JPT1: variants seen among roughly 807,000 people sequenced by gnomAD.
The protein encoded by JPT1 is Jupiter microtubule associated homolog 1.
JPT1 carries 5 observed loss-of-function variants against 17.0 expected under a neutral mutation model. The observed-to-expected ratio is 0.29, with a 90% CI of 0.15 to 0.62. The LOEUF (loss-of-function observed/expected upper bound fraction) is 0.62, where lower values mean the gene tolerates loss of function less well. Among genes scored for constraint, JPT1 ranks in the 20% least tolerant of loss-of-function variants. JPT1 has a pLI of 0.85. For synonymous variants in JPT1, 71 were observed against 73.6 expected (o/e 0.96, Z 0.18); for missense variants, 158 against 188.1 (o/e 0.84, Z 0.94).
intron 4 of JPT1, chr17:75,138,411 T>C (rs1034591195): frequency 4.3e-5 from 3 of 69,106 alleles, no homozygotes; most frequent in Admixed American, 3.4e-4. Context: ...TATTAATGGA[T>C]TTTTTTTTTT....
chr17:75,151,541 GACTATTC>G (rs1568037886), intron 1 of JPT1, among the ~76,000 whole-genome samples: 1 of 151,918 alleles, frequency 6.6e-6, no homozygotes, highest in African/African-American at 2.4e-5. Context: ...CTGTAGTCCC[GACTATTC>G]AGGAGGCTGA....
At chr17:75,149,862 T>TACACAC (rs58993126) in intron 1 of JPT1, among the ~76,000 whole-genome samples, 12,488 of 147,498 alleles carry the variant, frequency 0.085, 583 homozygotes, top group African/African-American at 0.11. Context: ...CTTACACACT[T>TACACAC]ACACACACAC....
intron 4 of JPT1, among the ~76,000 whole-genome samples, chr17:75,143,656 C>G (rs751490419): frequency 6.6e-6 from 1 of 151,354 alleles, no homozygotes; most frequent in Non-Finnish European, 1.5e-5. Context: ...GCCAACATGG[C>G]GAAACCCTGT....
chr17:75,143,801 A>T (rs2074371860), intron 4 of JPT1, among the ~76,000 whole-genome samples: 1 of 151,878 alleles, frequency 6.6e-6, no homozygotes, highest in Non-Finnish European at 1.5e-5. Flanking sequence ...GCACCACTGC[A>T]CTCCAGCCTG....
chr17:75,151,408 A>C (rs71380875), intron 1 of JPT1, among the ~76,000 whole-genome samples: 72,738 of 151,910 alleles, frequency 0.48, 20,998 homozygotes, highest in Non-Finnish European at 0.65. Flanking sequence ...CTGTAATCCT[A>C]GCACTTTGAG....
chr17:75,142,508 G>T (rs528965364), intron 4 of JPT1, among the ~76,000 whole-genome samples: 1 of 148,284 alleles, frequency 6.7e-6, no homozygotes, highest in East Asian at 2.0e-4. Context: ...GCAGTGAGCC[G>T]TGATCGTGCC....
chr17:75,145,684 T>C (rs1440305171), intron 4 of JPT1: 2 of 152,194 alleles, frequency 1.3e-5, no homozygotes, highest in East Asian at 1.9e-4. Flanking sequence ...GGTAGTGAGT[T>C]ATCTTGTTCA....
At chr17:75,147,742 T>A in intron 2 of JPT1, 89 bp from the exon 3 acceptor site, 1 of 1,019,322 alleles carries the variant, frequency 9.8e-7, no homozygotes, top group Non-Finnish European at 1.5e-6. Context: ...CTCATGCCTG[T>A]AATCTCAGTG....
intron 4 of JPT1, among the ~76,000 whole-genome samples, chr17:75,140,480 C>T (rs1337713472): frequency 6.6e-6 from 1 of 152,156 alleles, no homozygotes; most frequent in Non-Finnish European, 1.5e-5. Context: ...GTCAGGGAGA[C>T]TTCTCTGCCT....
intron 1 of JPT1, among the ~76,000 whole-genome samples, chr17:75,152,097 C>A (rs1346700604): frequency 6.6e-6 from 1 of 152,126 alleles, no homozygotes; most frequent in Non-Finnish European, 1.5e-5. Context: ...TAGTAACCAA[C>A]TCGGATGACG....
intron 3 of JPT1, 131 bp from the exon 4 acceptor site, chr17:75,146,815 A>G: frequency 3.0e-6 from 2 of 659,456 alleles, no homozygotes; most frequent in East Asian, 2.8e-5. Context: ...AATCAAGCAC[A>G]GGGTCAGTCT....
intron 4 of JPT1, 54 bp downstream of exon 4, chr17:75,146,612 A>G: frequency 1.5e-6 from 2 of 1,331,466 alleles, no homozygotes; most frequent in Non-Finnish European, 2.1e-6. Context: ...CAAGATTCAG[A>G]TCTGTCCTAA....
chr17:75,150,997 G>A (rs1017102060), intron 1 of JPT1, among the ~76,000 whole-genome samples: 5 of 151,676 alleles, frequency 3.3e-5, no homozygotes, highest in African/African-American at 1.2e-4. Context: ...GGGACTACAG[G>A]CGCCCGCCGG....
At chr17:75,144,529 AT>A (rs1215382153) in intron 4 of JPT1, among the ~76,000 whole-genome samples, 2 of 152,144 alleles carry the variant, frequency 1.3e-5, no homozygotes, top group Non-Finnish European at 2.9e-5. Context: ...ATAAAAAAAA[AT>A]GTATCATATA....
chr17:75,147,860 G>A lies in JPT1; in HGVS notation c.200-207C>T, dbSNP rs142400191. On this transcript the variant is annotated intron_variant, in intron 2 of 4. Coordinates refer to ENST00000409753, the MANE Select transcript of JPT1 (RefSeq NM_016185.4). ...CTAAAAATATAAAAATTGGCTGGAC[G>A]TCATGGTGCATGCTTGTAATCCTAG... 1.4e-5 allele frequency: 7 copies of A among 514,048 alleles called. 1 individual carries two copies. Among genetic ancestry groups the A allele is most frequent in the East Asian group, 6.7e-5 (2 of 29,690 alleles). 31.8% of individuals were successfully genotyped at this position (514,048 alleles called of 1,614,324 possible).
intron 4 of JPT1, among the ~76,000 whole-genome samples, chr17:75,137,342 T>TTTG (rs2074218338): frequency 6.6e-5 from 10 of 151,798 alleles, no homozygotes; most frequent in Admixed American, 6.6e-4. Context: ...GTTTGTTTTT[T>TTTG]GTGGAGGGGT....
intron 4 of JPT1, among the ~76,000 whole-genome samples, chr17:75,141,937 C>T (rs1445450074): frequency 4.0e-5 from 6 of 150,670 alleles, no homozygotes; most frequent in African/African-American, 9.8e-5. Context: ...GCTGTAGTGG[C>T]GCACACCTGT....
rs2074182334 is a variant in JPT1 at position 75,135,837 on chromosome 17, T to G, written c.*265A>C. 1.5e-6 allele frequency: 1 copy of G among 655,266 alleles called. No homozygotes were observed. The highest frequency in any genetic ancestry group is 2.5e-6 in the Non-Finnish European group (1 of 395,220). The allele number at this position is 655,266 out of a possible 1,614,324, so 40.6% of individuals were successfully genotyped here. A position where few individuals can be genotyped will look rare whatever the true frequency, so the allele number is the denominator to read the frequency against. ...TCCTCTAACACATCTGGAACCAAAT[T>G]ATTTCTTCTTAAAAACACAGTACTA... On this transcript the variant is annotated 3_prime_UTR_variant, in exon 5 of 5. Transcript: ENST00000409753.
rs536621028 is a variant in JPT1, at chr17:75,136,848, G to C, written c.317-598C>G. On this transcript the variant is annotated intron_variant, in intron 4 of 4. Coordinates refer to ENST00000409753, the MANE Select transcript of JPT1 (RefSeq NM_016185.4). ...AACTCTAGCTCTACGGCCCCTTCCA[G>C]CTCCGGGTGGATCCTGCTCCCCCTA... is the stretch of plus-strand genomic sequence containing the variant. Among the ~76,000 whole-genome samples, 4 of 152,242 alleles carry C rather than the reference G, an allele frequency of 2.6e-5. No individual in the cohort carries two copies. The East Asian group carries it at 7.7e-4, about 29-fold the overall frequency.
Sources: gnomAD v4.1 joint callset for allele counts (sites outside exome capture counted in the v4.1 genomes callset) on GRCh38, gnomAD v4.1.1 for gene constraint, MANE v1.5 for transcripts, NCBI Gene and HGNC (gene_info 2026-07-23, HGNC 2026-07-21) for gene names.